The following SLC35F3 variants were observed in gnomAD, a reference collection of about 807,000 sequenced individuals.
SLC35F3 encodes solute carrier family 35 member F3, also known as putative thiamine transporter SLC35F3.
A neutral mutation model predicts 49.9 loss-of-function variants in SLC35F3; 25 were observed. The observed-to-expected ratio is 0.50, with a 90% CI of 0.37 to 0.70. SLC35F3 has a LOEUF of 0.70. Among genes scored for constraint, SLC35F3 ranks in the 30% least tolerant of loss-of-function variants. The probability of loss-of-function intolerance (pLI) is 0.00; values close to 1 mark genes in which losing one functional copy is unlikely to be tolerated. For missense variants in SLC35F3, 525 were observed against 639.8 expected (o/e 0.82, Z 1.94); for synonymous variants, 275 against 265.4 (o/e 1.04, Z -0.35).
intron 3 of SLC35F3, among the ~76,000 whole-genome samples, chr1:234,232,519 C>CAAAAAAAAAAAAAAAAAAAA (rs536692686): frequency 5.0e-4 from 36 of 72,326 alleles, no homozygotes; most frequent in Admixed American, 5.8e-4. Context: ...CAGGCCTAGT[C>CAAAAAAAAAAAAAAAAAAAA]AAAAAAAAAA....
At chr1:233,950,907 T>C (rs1404099243) in intron 2 of SLC35F3, among the ~76,000 whole-genome samples, 1 of 152,130 alleles carries the variant, frequency 6.6e-6, no homozygotes, top group African/African-American at 2.4e-5. Context: ...AAGGTTTGAC[T>C]GAACAAACCT....
chr1:234,321,361 G>A (rs1003262510), intron 7 of SLC35F3, among the ~76,000 whole-genome samples: 2 of 152,202 alleles, frequency 1.3e-5, no homozygotes, highest in African/African-American at 2.4e-5. Context: ...CAAATGAAAA[G>A]TCATACCTAC....
chr1:234,231,536 A>G lies in SLC35F3; in HGVS notation c.403A>G (p.Ile135Val). 1 of 1,613,938 alleles carries G rather than the reference A, an allele frequency of 6.2e-7. No homozygotes were observed. The highest frequency in any genetic ancestry group is 8.5e-7 in the Non-Finnish European group (1 of 1,179,914). ...GTGCTCCCGGGCGCAACTCAAGAAG[A>G]TCTTCTGGGGCGTGGCGGTCGTGCT... is the stretch of plus-strand genomic sequence containing the variant. ...WTCSRAQLKKIFWGVAVVLCV... is the reference protein window; with the variant it reads ...WTCSRAQLKKVFWGVAVVLCV... Residue 135 changes from isoleucine to valine, a missense_variant, in exon 3 of 8, where the codon ATC becomes GTC. By Grantham distance (29) the Ile-to-Val change is conservative. Transcript: ENST00000366618. This position sits in a 1 kb window ranked among gnomAD's most constrained non-coding sequence, Gnocchi z 5.4.
chr1:234,079,031 A>C (rs542420489), intron 2 of SLC35F3, among the ~76,000 whole-genome samples: 1 of 152,366 alleles, frequency 6.6e-6, no homozygotes, highest in African/African-American at 2.4e-5. Context: ...AATCTTGAGA[A>C]AGAACAAAGT....
At chr1:234,058,022 T>C (rs1664480791) in intron 2 of SLC35F3, among the ~76,000 whole-genome samples, 1 of 152,144 alleles carries the variant, frequency 6.6e-6, no homozygotes, top group Non-Finnish European at 1.5e-5. Flanking sequence ...TCTTTCTTCT[T>C]ATTTGAGTGG....
Position 234,214,743 on chromosome 1 carries a change from T to C in SLC35F3, c.284-16674T>C. 1.1e-6 allele frequency: 1 copy of C among 906,576 alleles called. No homozygotes were observed. Among genetic ancestry groups the C allele is most frequent in the Non-Finnish European group, 1.5e-6 (1 of 649,702 alleles). 56.2% of individuals were successfully genotyped at this position (906,576 alleles called of 1,614,324 possible). On this transcript the variant is annotated intron_variant, in intron 2 of 7. Transcript: ENST00000366618. This position sits in a 1 kb window ranked among gnomAD's most constrained non-coding sequence, Gnocchi z 8.0. ...CGCCTGCGTGGGGGGATCTGGCAGC[T>C]TCAGGGGCTGCCCTGAGCTCCCTGG...
chr1:233,933,085 T>C (rs1208489357), intron 2 of SLC35F3, among the ~76,000 whole-genome samples: 5 of 151,050 alleles, frequency 3.3e-5, no homozygotes, highest in Non-Finnish European at 4.4e-5. Flanking sequence ...ATCAGGACTT[T>C]GTATATGCTA....
chr1:233,919,927 G>C (rs1444973107), intron 2 of SLC35F3, among the ~76,000 whole-genome samples: 2 of 152,130 alleles, frequency 1.3e-5, no homozygotes, highest in East Asian at 3.9e-4. Flanking sequence ...TCCTCGCTCT[G>C]TACTCCGGCC....
chr1:234,135,589 G>A (rs567702850), intron 2 of SLC35F3, among the ~76,000 whole-genome samples: 3 of 152,326 alleles, frequency 2.0e-5, no homozygotes, highest in African/African-American at 7.2e-5. Context: ...GGGAAGTCCA[G>A]AGGAAACCAG....
chr1:234,133,577 C>CT (rs1197780151), intron 2 of SLC35F3, among the ~76,000 whole-genome samples: 1 of 152,152 alleles, frequency 6.6e-6, no homozygotes, highest in African/African-American at 2.4e-5. Flanking sequence ...CTGTAATATT[C>CT]TATTTTCTAT....
At chr1:234,194,034 G>A (rs1302840089) in intron 2 of SLC35F3, among the ~76,000 whole-genome samples, 1 of 152,098 alleles carries the variant, frequency 6.6e-6, no homozygotes, top group Admixed American at 6.5e-5. Flanking sequence ...GGAAAACAGT[G>A]TTTTATTTAA....
chr1:234,083,422 G>T (rs568355007), intron 2 of SLC35F3, among the ~76,000 whole-genome samples: 1 of 152,246 alleles, frequency 6.6e-6, no homozygotes, highest in East Asian at 1.9e-4. Context: ...TTGCTCTGTT[G>T]TGCATTGGCA....
chr1:234,155,808 C>T (rs757358564), intron 2 of SLC35F3, among the ~76,000 whole-genome samples: 7 of 148,260 alleles, frequency 4.7e-5, no homozygotes, highest in Non-Finnish European at 8.9e-5. Flanking sequence ...AAAACAAAAA[C>T]CAATAGGGTG....
chr1:233,933,711 T>G (rs535603737), intron 2 of SLC35F3, among the ~76,000 whole-genome samples: 4 of 152,220 alleles, frequency 2.6e-5, no homozygotes, highest in Non-Finnish European at 2.9e-5. Context: ...TGTGGTGACA[T>G]GCACCTGTAA....
At chr1:233,929,020 A>G (rs1032846541) in intron 2 of SLC35F3, among the ~76,000 whole-genome samples, 1 of 152,158 alleles carries the variant, frequency 6.6e-6, no homozygotes, top group Non-Finnish European at 1.5e-5. Flanking sequence ...TGTTCTCCTC[A>G]TGTCTGTTAA....
chr1:233,972,955 C>T (rs943713292), intron 2 of SLC35F3, among the ~76,000 whole-genome samples: 1 of 152,252 alleles, frequency 6.6e-6, no homozygotes, highest in Non-Finnish European at 1.5e-5. Context: ...CCTTGCCCTT[C>T]CCCTGTCATA....
rs191227124 is a variant in SLC35F3 at position 233,989,179 on chromosome 1, G to A, written c.283+83421G>A. Among the ~76,000 whole-genome samples the A allele has an allele frequency of 3.3e-5, 5 of 152,278 alleles. No homozygotes were observed. In the East Asian group the frequency reaches 7.7e-4, roughly 24 times the overall value. The stretch of plus-strand genomic sequence containing the variant: ...AGCAAGCTGGACAGTGGGGCTGCAC[G>A]CATTCTCTTTCAGAATGTTTAAATA... On this transcript the variant is annotated intron_variant, in intron 2 of 7. Transcript: ENST00000366618.
At chr1:234,219,689 C>A (rs1264132160) in intron 2 of SLC35F3, among the ~76,000 whole-genome samples, 1 of 152,206 alleles carries the variant, frequency 6.6e-6, no homozygotes, top group Non-Finnish European at 1.5e-5. Flanking sequence ...GCCGTCATTA[C>A]CCCCTTCTTC....
intron 2 of SLC35F3, among the ~76,000 whole-genome samples, chr1:233,960,415 C>A (rs1349965105): frequency 1.3e-5 from 2 of 152,162 alleles, no homozygotes; most frequent in African/African-American, 4.8e-5. Context: ...AGCAGGTAAC[C>A]CCGTGTCAGT....
Sources: allele counts gnomAD v4.1 joint callset (sites outside exome capture counted in the v4.1 genomes callset), GRCh38; gene constraint gnomAD v4.1.1; non-coding constraint Gnocchi (gnomAD v3.1); transcripts MANE v1.5; gene names NCBI Gene and HGNC (gene_info 2026-07-23, HGNC 2026-07-21).